Variants in TTC28 observed in about 807,000 individuals in gnomAD.
The protein encoded by TTC28 is tetratricopeptide repeat domain 28.
TTC28 carries 61 observed loss-of-function variants against 198.0 expected under a neutral mutation model. The observed-to-expected ratio is 0.31, with a 90% CI of 0.25 to 0.38. The LOEUF is 0.38. Ranked by LOEUF, TTC28 falls within the 10% of genes least tolerant of loss-of-function variation. The pLI is 1.00. For synonymous variants in TTC28, 1,171 were observed against 1,297.8 expected, an observed-to-expected ratio of 0.90 and a Z score of 2.10; for missense variants, 2,678 against 3,164.0, an observed-to-expected ratio of 0.85 and a Z score of 3.69.
chr22:28,124,750 T>A (rs1182426889), intron 6 of TTC28, among the ~76,000 whole-genome samples: 2 of 152,180 alleles, frequency 1.3e-5, no homozygotes, highest in Admixed American at 6.5e-5. Flanking sequence ...TTACAAATCA[T>A]CTCTAGATAG....
chr22:28,626,689 A>C (rs916510082), intron 2 of TTC28, among the ~76,000 whole-genome samples: 9 of 151,956 alleles, frequency 5.9e-5, no homozygotes, highest in African/African-American at 2.2e-4. Context: ...CCTCAAAAGA[A>C]CCTTTTGTGA....
At chr22:28,108,425 C>A in intron 6 of TTC28, 22 bp from the exon 7 acceptor site, 2 of 1,414,464 alleles carry the variant, frequency 1.4e-6, no homozygotes, top group South Asian at 3.4e-5. Context: ...AATAAAAGAA[C>A]AGACTAAGAC....
intron 5 of TTC28, among the ~76,000 whole-genome samples, chr22:28,172,035 A>G (rs1922732790): frequency 6.6e-6 from 1 of 152,082 alleles, no homozygotes; most frequent in South Asian, 2.1e-4. Flanking sequence ...CCTCTACTTC[A>G]GTAGTTGGCC....
rs1485636017 is a variant in TTC28, at chr22:28,108,302, G to A, written c.1543C>T (p.Arg515Cys). ...GCATTGCCCATATTCCCATAGGCAC[G>A]GCCCTGGGCAGCATAATCACTCAGC... Reference protein sequence around the residue: ...QELSDYAAQGRAYGNMGNAYN... With the variant: ...QELSDYAAQGCAYGNMGNAYN... The change falls in exon 7 of 23, where the codon CGT becomes TGT. Residue 515 changes from arginine (R) to cysteine (C), a missense_variant. Arg to Cys is a radical substitution (Grantham distance 180). Coordinates refer to ENST00000397906, the MANE Select transcript of TTC28 (RefSeq NM_001145418.2). 4.6e-6 allele frequency: 7 copies of A among 1,536,410 alleles called. No homozygotes were observed. The highest frequency in any genetic ancestry group is 4.9e-5 in the East Asian group (2 of 40,518).
At chr22:28,460,124 A>G (rs138391712) in intron 2 of TTC28, among the ~76,000 whole-genome samples, 174 of 152,346 alleles carry the variant, frequency 1.1e-3, no homozygotes, top group African/African-American at 4.0e-3. Context: ...ATCTAGTTTT[A>G]TCTAGGAGAT....
Position 27,982,153 on chromosome 22 carries a change from G to A in TTC28, c.*68C>T. 7.0e-7 allele frequency: 1 copy of A among 1,426,562 alleles called. No homozygotes were observed. Among genetic ancestry groups the A allele is most frequent in the Non-Finnish European group, 9.3e-7 (1 of 1,079,528 alleles). The allele number at this position is 1,426,562 out of a possible 1,614,324, so 88.4% of individuals were successfully genotyped here. A position where few individuals can be genotyped will look rare whatever the true frequency, so the allele number is the denominator to read the frequency against. ...TGGCTGTGGGGGGACTGCACTCAGG[G>A]AAGGGCTGAAGCAAACGCCAGGCCC... On this transcript the variant is annotated 3_prime_UTR_variant, in exon 23 of 23. Coordinates refer to ENST00000397906, the MANE Select transcript of TTC28 (RefSeq NM_001145418.2). The surrounding 1 kb of genome is among the most constrained non-coding windows in gnomAD (Gnocchi z 5.2).
chr22:28,410,484 T>C (rs1378824598), intron 2 of TTC28, among the ~76,000 whole-genome samples: 1 of 152,118 alleles, frequency 6.6e-6, no homozygotes, highest in African/African-American at 2.4e-5. Context: ...AAATAATGAA[T>C]AAAAATAAGT....
chr22:28,099,914 A>G (rs1250863630), intron 9 of TTC28, among the ~76,000 whole-genome samples: 1 of 152,210 alleles, frequency 6.6e-6, no homozygotes, highest in African/African-American at 2.4e-5. Flanking sequence ...GGCTCAGATC[A>G]TCACTGGGCA....
At chr22:28,385,456 G>C (rs1293805207) in intron 2 of TTC28, among the ~76,000 whole-genome samples, 2 of 151,424 alleles carry the variant, frequency 1.3e-5, no homozygotes, top group African/African-American at 4.8e-5. Flanking sequence ...CTTTTTTACA[G>C]TTTACATTTT....
chr22:28,339,295 G>C (rs762119949), intron 2 of TTC28, among the ~76,000 whole-genome samples: 2 of 152,168 alleles, frequency 1.3e-5, no homozygotes, highest in East Asian at 1.9e-4. Context: ...GTGTCAGTCT[G>C]CCTCTACTGG....
At chr22:28,219,559 T>G (rs374857771) in intron 5 of TTC28, among the ~76,000 whole-genome samples, 7 of 151,116 alleles carry the variant, frequency 4.6e-5, no homozygotes, top group East Asian at 3.9e-4. Context: ...GTGGAGAAGC[T>G]CATAGGAGAT....
At chr22:28,044,207 C>T (rs1939772067) in intron 12 of TTC28, among the ~76,000 whole-genome samples, 1 of 152,160 alleles carries the variant, frequency 6.6e-6, no homozygotes, top group South Asian at 2.1e-4. Context: ...TCTTGTACAT[C>T]ACTTTAGAAA....
At chr22:28,361,423 G>C (rs1288191530) in intron 2 of TTC28, among the ~76,000 whole-genome samples, 1 of 152,068 alleles carries the variant, frequency 6.6e-6, no homozygotes, top group Admixed American at 6.6e-5. Flanking sequence ...ATTCCCTTAA[G>C]CCAAAGTCTA....
At chr22:28,012,580 T>C (rs958972774) in intron 14 of TTC28, among the ~76,000 whole-genome samples, 2 of 152,168 alleles carry the variant, frequency 1.3e-5, no homozygotes, top group Non-Finnish European at 2.9e-5. Context: ...GGTACGATCA[T>C]GGCTCATTGC....
At chr22:28,097,730 G>A (rs1400238342) in intron 10 of TTC28, among the ~76,000 whole-genome samples, 1 of 152,214 alleles carries the variant, frequency 6.6e-6, no homozygotes, top group Non-Finnish European at 1.5e-5. Flanking sequence ...AGCACTTCAA[G>A]GATGCCTTGC....
chr22:28,189,990 T>C (rs1484961991), intron 5 of TTC28, among the ~76,000 whole-genome samples: 1 of 152,238 alleles, frequency 6.6e-6, no homozygotes, highest in East Asian at 1.9e-4. Context: ...TACTAGAGCA[T>C]TGTGCTGGGC....
At chr22:28,678,617 G>A (rs1259983324) in intron 1 of TTC28, among the ~76,000 whole-genome samples, 3 of 152,174 alleles carry the variant, frequency 2.0e-5, no homozygotes, top group Non-Finnish European at 1.5e-5. Flanking sequence ...GTTGGGAGCT[G>A]AGAAAAATCA....
chr22:28,568,523 C>T (rs1259943976), intron 2 of TTC28, among the ~76,000 whole-genome samples: 1 of 152,060 alleles, frequency 6.6e-6, no homozygotes, highest in Non-Finnish European at 1.5e-5. Context: ...TTTCAGGATA[C>T]AAAATCAATG....
intron 2 of TTC28, among the ~76,000 whole-genome samples, chr22:28,449,376 A>C (rs1601411886): frequency 6.6e-6 from 1 of 152,266 alleles, no homozygotes; most frequent in African/African-American, 2.4e-5. Context: ...TGTGAATGCT[A>C]TTCTCTTAAC....
Sources: allele counts gnomAD v4.1 joint callset (sites outside exome capture counted in the v4.1 genomes callset), GRCh38; gene constraint gnomAD v4.1.1; non-coding constraint Gnocchi (gnomAD v3.1); transcripts MANE v1.5; gene names NCBI Gene and HGNC (gene_info 2026-07-23, HGNC 2026-07-21).